The following UBE3B variants were observed in gnomAD, a reference collection of about 807,000 sequenced individuals.
UBE3B encodes ubiquitin protein ligase E3B, also known as ubiquitin-protein ligase E3B.
Under a neutral mutation model 132.3 loss-of-function variants are expected in UBE3B, and 80 were observed. The observed-to-expected ratio is 0.60, with a 90% CI of 0.50 to 0.73. The LOEUF is 0.73. Among genes scored for constraint, UBE3B ranks in the 30% least tolerant of loss-of-function variants. UBE3B has a pLI of 0.00. For synonymous variants in UBE3B, 487 were observed against 520.4 expected (o/e 0.94, Z 0.87); for missense variants, 1,196 against 1,362.5 (o/e 0.88, Z 1.92).
chr12:109,509,538 T>G (rs1880100003), intron 15 of UBE3B, 58 bp from the exon 16 acceptor site: 2 of 1,161,124 alleles, frequency 1.7e-6, no homozygotes, highest in African/African-American at 1.6e-5. Context: ...AGTACAGATT[T>G]TTTTTCTCTT....
At position 109,529,894 on chromosome 12, in the gene UBE3B, A is replaced by G; in HGVS notation, c.2632A>G (p.Ser878Gly). Reference sequence around the variant, plus strand: ...TCTCTTCCTTGTTGGCAACAGAATTAGCTACATCCATCTGATGGCACATTT... The same window carrying G: ...TCTCTTCCTTGTTGGCAACAGAATTGGCTACATCCATCTGATGGCACATTT... ...TIPVTNENKISYIHLMAHFRM... is the reference protein window; with the variant it reads ...TIPVTNENKIGYIHLMAHFRM... Residue 878 changes from serine to glycine, a missense_variant, in exon 25 of 28, where the codon AGC (serine) becomes GGC (glycine). Coordinates refer to ENST00000342494, the MANE Select transcript of UBE3B (RefSeq NM_130466.4). 1.2e-6 allele frequency: 2 copies of G among 1,614,244 alleles called. No homozygotes were observed.
At chr12:109,500,023 A>C (rs1418452162) in intron 12 of UBE3B, among the ~76,000 whole-genome samples, 2 of 152,240 alleles carry the variant, frequency 1.3e-5, no homozygotes, top group Non-Finnish European at 2.9e-5. Context: ...ACATCCTGTC[A>C]GTTTTCCTAT....
Position 109,534,634 on chromosome 12 carries a change from C to G in UBE3B, c.3059C>G (p.Thr1020Ser). 1 of 1,611,872 alleles carries G rather than the reference C, an allele frequency of 6.2e-7. No homozygotes were observed. Among genetic ancestry groups the G allele is most frequent in the South Asian group, 1.1e-5 (1 of 90,818 alleles). ...TLGSVLRGFF[T>S]IRKREPGGRL... ...GGCAGCGTCCTCCGGGGCTTCTTCACCATCCGCAAGCGGGAGCCAGGCGGC... is the reference window on the plus strand; with the variant it reads ...GGCAGCGTCCTCCGGGGCTTCTTCAGCATCCGCAAGCGGGAGCCAGGCGGC... Residue 1020 changes from threonine (T) to serine (S), a missense_variant, in exon 28 of 28, where the codon ACC becomes AGC. Coordinates refer to ENST00000342494, the MANE Select transcript of UBE3B (RefSeq NM_130466.4). The surrounding 1 kb of genome is among the most constrained non-coding windows in gnomAD (Gnocchi z 5.2).
chr12:109,482,924 T>A (rs760885344), intron 2 of UBE3B, among the ~76,000 whole-genome samples: 14 of 152,262 alleles, frequency 9.2e-5, no homozygotes, highest in African/African-American at 1.2e-4. Context: ...TAATGGACTG[T>A]CTTGCATTCT....
rs760038282 is a variant in UBE3B at position 109,521,531 on chromosome 12, C to G, written c.2344C>G (p.Leu782Val). 6.3e-7 allele frequency: 1 copy of G among 1,594,830 alleles called. No homozygotes were observed. The highest frequency in any genetic ancestry group is 1.3e-5 in the African/African-American group (1 of 74,250). Residue 782 changes from leucine (L) to valine (V), a missense_variant, in exon 21 of 28, where the codon CTG becomes GTG. Leu to Val is a conservative substitution (Grantham distance 32). Transcript: ENST00000342494. This position sits in a 1 kb window ranked among gnomAD's most constrained non-coding sequence, Gnocchi z 4.2. ...GCTCTTCGAGTTTGTGGGGAAGATG[C>G]TGGGGAAGGCTGTGTATGAGGTAGG... ...LQLFEFVGKM[L>V]GKAVYEGIVV... is the part of the protein sequence containing the mutation.
chr12:109,500,180 A>G (rs1382316849), intron 12 of UBE3B, among the ~76,000 whole-genome samples: 1 of 152,250 alleles, frequency 6.6e-6, no homozygotes. Flanking sequence ...TGCTAAAACA[A>G]GACAAATGAT....
chr12:109,482,747 C>T (rs1425624274), intron 2 of UBE3B, among the ~76,000 whole-genome samples: 3 of 152,150 alleles, frequency 2.0e-5, no homozygotes, highest in African/African-American at 7.2e-5. Flanking sequence ...AAAACAGTTA[C>T]TGGTGATTTA....
In UBE3B at chr12:109,503,195, G is replaced by C; in HGVS notation, c.1450+5G>C. ...TTCGGCTGCAGATACTCACAGGTTC[G>C]CAGTCCCCAGGGCATCTTCTTCACC... On this transcript the variant is annotated splice_donor_5th_base_variant and intron_variant, in intron 14 of 27. Transcript: ENST00000342494. 2 of 1,613,634 alleles carry C rather than the reference G, an allele frequency of 1.2e-6. No homozygotes were observed. The highest frequency in any genetic ancestry group is 1.7e-6 in the Non-Finnish European group (2 of 1,179,650).
At chr12:109,545,294 G>T in the UBE3B span, among the ~76,000 whole-genome samples, 1 of 152,238 alleles carries the variant, frequency 6.6e-6, no homozygotes, top group Admixed American at 6.5e-5. Flanking sequence ...CTGCCAGGGA[G>T]TTCAGACTCA....
intron 24 of UBE3B, chr12:109,528,582 G>T: frequency 2.4e-6 from 2 of 820,608 alleles, no homozygotes; most frequent in African/African-American, 1.8e-5. Context: ...GGCTGGGTGC[G>T]TTGGCTCACA....
intron 7 of UBE3B, among the ~76,000 whole-genome samples, chr12:109,489,377 AGTG>A (rs1287106521): frequency 6.6e-6 from 1 of 152,208 alleles, no homozygotes; most frequent in Non-Finnish European, 1.5e-5. Flanking sequence ...TTCCTGAAGA[AGTG>A]GTGTGTGAGC....
At chr12:109,519,061 A>G (rs1389907803) in intron 19 of UBE3B, among the ~76,000 whole-genome samples, 1 of 152,212 alleles carries the variant, frequency 6.6e-6, no homozygotes, top group Non-Finnish European at 1.5e-5. Context: ...TCCTGTAGGA[A>G]GGCTCTTCTT....
chr12:109,529,084 C>A (rs1032693932), intron 24 of UBE3B, among the ~76,000 whole-genome samples: 1 of 152,128 alleles, frequency 6.6e-6, no homozygotes. Context: ...TCGCTTGAAC[C>A]CGGGAGTCAG....
rs900721656 is a variant in UBE3B at position 109,524,540 on chromosome 12, C to T, written c.2568+37C>T. ...CTTTGGCTGAGCTCCCTTTCCACTGCCCCCATGGGCTCCTGAGACCTGCCG... is the reference window on the plus strand; with the variant it reads ...CTTTGGCTGAGCTCCCTTTCCACTGTCCCCATGGGCTCCTGAGACCTGCCG... On this transcript the variant is annotated intron_variant, in intron 23 of 27. Transcript: ENST00000342494. The T allele has an allele frequency of 2.5e-6, 4 of 1,606,406 alleles. No individual in the cohort carries two copies. The Admixed American group carries it at 5.0e-5, about 20-fold the overall frequency.
At position 109,489,942 on chromosome 12, in the gene UBE3B, A is replaced by C; in HGVS notation, c.568A>C (p.Asn190His). ...AGGTGAAAGTCTTCGACCAGCGATG[A>C]ACCACATTTGTGCAAATATAATGGG... ...GKGESLRPAM[N>H]HICANIMGHL... is the part of the protein sequence containing the mutation. Residue 190 changes from asparagine (N) to histidine (H), a missense_variant, in exon 8 of 28, where the codon AAC becomes CAC. Physicochemically the swap from Asn to His is moderately conservative, Grantham distance 68. Transcript: ENST00000342494. 1 of 1,614,192 alleles carries C rather than the reference A, an allele frequency of 6.2e-7. No individual in the cohort carries two copies. The highest frequency in any genetic ancestry group is 8.5e-7 in the Non-Finnish European group (1 of 1,180,024).
intron 15 of UBE3B, among the ~76,000 whole-genome samples, 160 bp downstream of exon 15, chr12:109,507,895 C>T (rs541933384): frequency 6.6e-6 from 1 of 152,200 alleles, no homozygotes; most frequent in Non-Finnish European, 1.5e-5. Flanking sequence ...GAGCAGTGTG[C>T]AGTAAATGTT....
chr12:109,537,285 G>C (rs891703153), downstream of UBE3B, among the ~76,000 whole-genome samples: 8 of 152,208 alleles, frequency 5.3e-5, no homozygotes, highest in African/African-American at 1.9e-4. Flanking sequence ...CTCCCCACAG[G>C]ACACGCAGCC....
chr12:109,501,547 A>T lies in UBE3B; in HGVS notation c.1282+13A>T. The T allele has an allele frequency of 1.2e-6, 2 of 1,611,774 alleles. No homozygotes were observed. Among genetic ancestry groups the T allele is most frequent in the African/African-American group, 1.3e-5 (1 of 74,944 alleles). On this transcript the variant is annotated intron_variant, in intron 13 of 27. Coordinates refer to ENST00000342494, the MANE Select transcript of UBE3B (RefSeq NM_130466.4). ...CTCCCAGTGAAGAGTGAGTGACGGG[A>T]GCAGGCCCAACCCTGTAGCTCCACT...
At chr12:109,498,146 A>T in intron 10 of UBE3B, 87 bp from the exon 11 acceptor site, 2 of 1,562,254 alleles carry the variant, frequency 1.3e-6, no homozygotes, top group Non-Finnish European at 1.7e-6. Context: ...CTCCATAACC[A>T]CGGGTGATCT....
Sources: gnomAD v4.1 joint callset for allele counts (sites outside exome capture counted in the v4.1 genomes callset) on GRCh38, gnomAD v4.1.1 for gene constraint, Gnocchi (gnomAD v3.1) non-coding constraint, MANE v1.5 for transcripts, NCBI Gene and HGNC (gene_info 2026-07-23, HGNC 2026-07-21) for gene names.